LRRC4C: variants seen among roughly 807,000 people sequenced by gnomAD.
LRRC4C encodes leucine-rich repeat-containing protein 4C.
Under a neutral mutation model 33.6 loss-of-function variants are expected in LRRC4C, and 5 were observed. That is an observed-to-expected ratio of 0.15 (90% confidence interval 0.08 to 0.31). The LOEUF is 0.31. Ranked by LOEUF, LRRC4C falls within the 10% of genes least tolerant of loss-of-function variation. The pLI, the probability that LRRC4C is intolerant of heterozygous loss-of-function variation, is 1.00. For synonymous variants in LRRC4C, 329 were observed against 302.0 expected, an observed-to-expected ratio of 1.09 and a Z score of -0.93; for missense variants, 560 against 796.7, an observed-to-expected ratio of 0.70 and a Z score of 3.58.
At chr11:40,277,561 AATTATT>A (rs909914661) in intron 4 of LRRC4C, among the ~76,000 whole-genome samples, 23 of 152,006 alleles carry the variant, frequency 1.5e-4, no homozygotes, top group African/African-American at 5.3e-4. Context: ...TCTAGTATCA[AATTATT>A]ATTATTATTA....
chr11:41,237,554 T>C (rs992430431), intron 1 of LRRC4C, among the ~76,000 whole-genome samples: 2 of 152,186 alleles, frequency 1.3e-5, no homozygotes, highest in African/African-American at 4.8e-5. Flanking sequence ...ATTTACTTGG[T>C]AACTGGATGA....
At position 40,906,689 on chromosome 11, in the gene LRRC4C, C is replaced by CCT. The variant is rs370871101; in HGVS notation, c.-407+26944_-407+26945dup. 4.1e-3 allele frequency among the ~76,000 whole-genome samples: 613 copies of CCT among 150,346 alleles called. 5 individuals are homozygous for CCT. Among genetic ancestry groups the CCT allele is most frequent in the African/African-American group, 0.013 (522 of 40,840 alleles). ...CCTCCAATATGTCTGAGTATGTTTCCCTCTCTCTCTCTCTCTCTCTGTGTG... is the reference window on the plus strand; with the variant it reads ...CCTCCAATATGTCTGAGTATGTTTCCCTCTCTCTCTCTCTCTCTCTCTGTGTG... On this transcript the variant is annotated intron_variant, in intron 2 of 6. Coordinates refer to ENST00000528697, the MANE Select transcript of LRRC4C (RefSeq NM_001258419.2).
chr11:41,359,213 GCA>G (rs765685489), intron 1 of LRRC4C, among the ~76,000 whole-genome samples: 13 of 152,126 alleles, frequency 8.5e-5, no homozygotes, highest in Non-Finnish European at 1.3e-4. Context: ...TATTGGCAGA[GCA>G]CAGAGAGTCT....
chr11:40,653,840 T>C (rs531656937), intron 2 of LRRC4C, among the ~76,000 whole-genome samples: 1 of 152,222 alleles, frequency 6.6e-6, no homozygotes, highest in South Asian at 2.1e-4. Context: ...CCAAGAAGCC[T>C]AGAAGAAAAA....
intron 3 of LRRC4C, among the ~76,000 whole-genome samples, chr11:40,471,214 C>T (rs530364376): frequency 2.5e-4 from 38 of 152,252 alleles, no homozygotes; most frequent in African/African-American, 8.7e-4. Context: ...AGCCAGAATA[C>T]GGTAGAGGAC....
chr11:40,905,158 G>C (rs912674223), intron 2 of LRRC4C, among the ~76,000 whole-genome samples: 1 of 152,148 alleles, frequency 6.6e-6, no homozygotes, highest in Non-Finnish European at 1.5e-5. Flanking sequence ...GGATTTGAAT[G>C]TTTTGGTGGG....
At chr11:41,201,268 GA>G (rs1450304494) in intron 1 of LRRC4C, among the ~76,000 whole-genome samples, 8 of 152,290 alleles carry the variant, frequency 5.3e-5, no homozygotes, top group African/African-American at 1.7e-4. Context: ...TAAAGAAACT[GA>G]ACAGTAGCTG....
At chr11:41,149,911 AAG>A (rs1415913573) in intron 1 of LRRC4C, among the ~76,000 whole-genome samples, 1 of 152,226 alleles carries the variant, frequency 6.6e-6, no homozygotes. Context: ...CTTTTCAACT[AAG>A]AAGATACTCA....
At chr11:40,413,508 T>C (rs763392519) in intron 3 of LRRC4C, among the ~76,000 whole-genome samples, 9 of 152,136 alleles carry the variant, frequency 5.9e-5, no homozygotes, top group Non-Finnish European at 1.2e-4. Flanking sequence ...ATGATTTCAC[T>C]ATCCAAACCC....
chr11:40,845,870 A>T (rs1264207026), intron 2 of LRRC4C, among the ~76,000 whole-genome samples: 1 of 152,186 alleles, frequency 6.6e-6, no homozygotes, highest in African/African-American at 2.4e-5. Context: ...AATCATGGCC[A>T]ATCTAACTGG....
Position 41,156,515 on chromosome 11 carries a change from C to G in LRRC4C, c.-495-222792G>C, listed in dbSNP as rs61878617. Among the ~76,000 whole-genome samples, 610 of 152,134 alleles carry G rather than the reference C, an allele frequency of 4.0e-3. 3 individuals are homozygous for G. Among genetic ancestry groups the G allele is most frequent in the Middle Eastern group, 0.02 (6 of 294 alleles). On this transcript the variant is annotated intron_variant, in intron 1 of 6. Coordinates refer to ENST00000528697, the MANE Select transcript of LRRC4C (RefSeq NM_001258419.2). ...CCACTTAACAATTTCTGATTGTTCT[C>G]TATGATTGGCAAGTCATTTTGCAAA...
At chr11:40,334,335 A>T (rs1271241327) in intron 3 of LRRC4C, among the ~76,000 whole-genome samples, 1 of 152,174 alleles carries the variant, frequency 6.6e-6, no homozygotes, top group African/African-American at 2.4e-5. Context: ...CACAAAAAAA[A>T]AAAAGTAAGC....
intron 3 of LRRC4C, among the ~76,000 whole-genome samples, chr11:40,557,113 A>G (rs1957361716): frequency 2.0e-5 from 3 of 152,132 alleles, no homozygotes; most frequent in Non-Finnish European, 4.4e-5. Flanking sequence ...TGATATTGAA[A>G]TAAAATGGTG....
In LRRC4C at chr11:40,537,732, A is replaced by G. The variant is rs114099626; in HGVS notation, c.-270+110410T>C. Among the ~76,000 whole-genome samples the G allele has an allele frequency of 2.9e-3, 440 of 152,256 alleles. 3 individuals are homozygous for G. The highest frequency in any genetic ancestry group is 0.01 in the African/African-American group (420 of 41,562). The stretch of plus-strand genomic sequence containing the variant: ...GACAAATCTCAAAAACCCATGATAT[A>G]TATATATGTGGATCAGATGTGATAC... On this transcript the variant is annotated intron_variant, in intron 3 of 6. Transcript: ENST00000528697.
intron 3 of LRRC4C, among the ~76,000 whole-genome samples, chr11:40,596,983 C>A (rs1342217735): frequency 6.6e-6 from 1 of 152,052 alleles, no homozygotes; most frequent in Non-Finnish European, 1.5e-5. Flanking sequence ...AATGTGATAT[C>A]TTTGAGAAAG....
At chr11:40,422,261 C>T (rs1008210036) in intron 3 of LRRC4C, among the ~76,000 whole-genome samples, 5 of 152,050 alleles carry the variant, frequency 3.3e-5, no homozygotes, top group South Asian at 2.1e-4. Context: ...TTGTCCCCTA[C>T]GTAATTGAAG....
chr11:40,806,206 G>A (rs1951241441), intron 2 of LRRC4C, among the ~76,000 whole-genome samples: 1 of 152,188 alleles, frequency 6.6e-6, no homozygotes, highest in Admixed American at 6.5e-5. Flanking sequence ...GCTGAGATTA[G>A]AATTATCTGA....
At chr11:41,342,443 G>A (rs7944184) in intron 1 of LRRC4C, among the ~76,000 whole-genome samples, 27,161 of 152,120 alleles carry the variant, frequency 0.18, 2,832 homozygotes, top group East Asian at 0.45. Context: ...ATCTGGGCAC[G>A]GTGGCTCTCA....
chr11:40,925,320 C>T (rs564674630), intron 2 of LRRC4C, among the ~76,000 whole-genome samples: 3 of 152,186 alleles, frequency 2.0e-5, no homozygotes, highest in African/African-American at 7.2e-5. Flanking sequence ...AGATGTGTCA[C>T]ACATCACTTC....
Sources: gnomAD v4.1 joint callset for allele counts (sites outside exome capture counted in the v4.1 genomes callset) on GRCh38, gnomAD v4.1.1 for gene constraint, MANE v1.5 for transcripts, NCBI Gene and HGNC (gene_info 2026-07-23, HGNC 2026-07-21) for gene names.